TAFA1: variants seen among roughly 807,000 people sequenced by gnomAD.
The protein encoded by TAFA1 is TAFA chemokine like family member 1.
A neutral mutation model predicts 18.5 loss-of-function variants in TAFA1; 4 were observed. The ratio of observed to expected loss-of-function variants is 0.22; its 90% CI spans 0.11 to 0.49. The LOEUF is 0.49. TAFA1 is among the 20% of genes least tolerant of loss of function. TAFA1 has a pLI of 0.98. For synonymous variants in TAFA1, 56 were observed against 55.2 expected, an observed-to-expected ratio of 1.01 and a Z score of -0.06; for missense variants, 147 against 169.0, an observed-to-expected ratio of 0.87 and a Z score of 0.72.
intron 2 of TAFA1, among the ~76,000 whole-genome samples, chr3:68,142,807 C>T (rs189731137): frequency 4.6e-5 from 7 of 152,232 alleles, no homozygotes; most frequent in Admixed American, 2.0e-4. Flanking sequence ...TGGAGCAGAC[C>T]GGTGCATAAT....
chr3:68,310,041 T>A (rs1328660812), intron 2 of TAFA1, among the ~76,000 whole-genome samples: 1 of 152,192 alleles, frequency 6.6e-6, no homozygotes, highest in Non-Finnish European at 1.5e-5. Context: ...CAATAATTAT[T>A]GAAACTTATA....
intron 2 of TAFA1, among the ~76,000 whole-genome samples, chr3:68,383,721 C>T (rs1391482211): frequency 1.3e-5 from 2 of 151,874 alleles, no homozygotes; most frequent in African/African-American, 2.4e-5. Flanking sequence ...AGGAGTCCCT[C>T]TTCAATTTTT....
At chr3:68,395,039 AATAT>A (rs1296014348) in intron 2 of TAFA1, among the ~76,000 whole-genome samples, 1 of 152,196 alleles carries the variant, frequency 6.6e-6, no homozygotes. Context: ...AAATTTTTGC[AATAT>A]ATTCATCTGA....
chr3:68,471,927 A>G (rs544232789), intron 3 of TAFA1, among the ~76,000 whole-genome samples: 1 of 152,270 alleles, frequency 6.6e-6, no homozygotes, highest in South Asian at 2.1e-4. Context: ...CTTGCTTTTG[A>G]TTTTACAGCC....
chr3:68,345,655 G>A (rs540895244), intron 2 of TAFA1, among the ~76,000 whole-genome samples: 49 of 152,228 alleles, frequency 3.2e-4, no homozygotes, highest in African/African-American at 1.1e-3. Flanking sequence ...TCTCATTCAA[G>A]TCTTTGCTAT....
At chr3:68,366,204 A>G (rs2069571102) in intron 2 of TAFA1, among the ~76,000 whole-genome samples, 2 of 152,070 alleles carry the variant, frequency 1.3e-5, no homozygotes, top group South Asian at 2.1e-4. Flanking sequence ...CCCTCCCACA[A>G]CACATGGAAA....
the TAFA1 span, among the ~76,000 whole-genome samples, chr3:67,993,193 AAT>A: frequency 2.6e-5 from 4 of 152,234 alleles, no homozygotes; most frequent in Non-Finnish European, 5.9e-5. Flanking sequence ...CTTCATAGCC[AAT>A]TTCCCTGGAT....
At chr3:67,999,467 C>T (rs138221707), upstream of TAFA1, among the ~76,000 whole-genome samples, 68 of 152,246 alleles carry the variant, frequency 4.5e-4, no homozygotes, top group African/African-American at 1.6e-3. Flanking sequence ...AAGTAAGAGG[C>T]TAGACTAGGA....
intron 2 of TAFA1, among the ~76,000 whole-genome samples, chr3:68,065,303 C>A (rs760897502): frequency 6.6e-6 from 1 of 152,128 alleles, no homozygotes; most frequent in Non-Finnish European, 1.5e-5. Flanking sequence ...CCAAGGATGA[C>A]TGCAGAATAC....
intron 2 of TAFA1, among the ~76,000 whole-genome samples, chr3:68,193,239 A>T (rs2066370645): frequency 6.6e-6 from 1 of 151,784 alleles, no homozygotes; most frequent in African/African-American, 2.4e-5. Context: ...AATGGAATCT[A>T]GTAGGAGAGA....
At chr3:68,430,386 G>T (rs1339183993) in intron 3 of TAFA1, among the ~76,000 whole-genome samples, 1 of 151,964 alleles carries the variant, frequency 6.6e-6, no homozygotes, top group Admixed American at 6.6e-5. Flanking sequence ...GAGACAGAAG[G>T]CTGAAAAGTT....
chr3:68,519,906 A>G (rs1301090930), intron 3 of TAFA1, among the ~76,000 whole-genome samples: 4 of 152,232 alleles, frequency 2.6e-5, no homozygotes, highest in Non-Finnish European at 4.4e-5. Context: ...AGTTCATAAC[A>G]TGAGCTTACA....
At chr3:68,434,577 G>A (rs965291713) in intron 3 of TAFA1, among the ~76,000 whole-genome samples, 1 of 151,944 alleles carries the variant, frequency 6.6e-6, no homozygotes, top group African/African-American at 2.4e-5. Flanking sequence ...GCAGAAATTT[G>A]TTCTATCTAT....
At chr3:68,220,346 A>G (rs2066714239) in intron 2 of TAFA1, among the ~76,000 whole-genome samples, 1 of 152,172 alleles carries the variant, frequency 6.6e-6, no homozygotes, top group Non-Finnish European at 1.5e-5. Flanking sequence ...ATTCAAGCTG[A>G]ATAAAATCTC....
intron 2 of TAFA1, among the ~76,000 whole-genome samples, chr3:68,089,081 G>C (rs1408452627): frequency 6.6e-6 from 1 of 152,058 alleles, no homozygotes; most frequent in African/African-American, 2.4e-5. Context: ...CAATATTTTG[G>C]TTTTGCACGT....
At chr3:68,344,198 CAAAT>C (rs1048592604) in intron 2 of TAFA1, among the ~76,000 whole-genome samples, 3 of 152,090 alleles carry the variant, frequency 2.0e-5, no homozygotes, top group Non-Finnish European at 4.4e-5. Flanking sequence ...TAATATCTCT[CAAAT>C]AATGTATATT....
chr3:68,144,475 ACT>A (rs1430543088), intron 2 of TAFA1, among the ~76,000 whole-genome samples: 2 of 152,074 alleles, frequency 1.3e-5, no homozygotes, highest in African/African-American at 4.8e-5. Context: ...GGATGGTAAA[ACT>A]CTCCACTGAA....
At chr3:68,345,514 G>C (rs2069151027) in intron 2 of TAFA1, among the ~76,000 whole-genome samples, 1 of 152,142 alleles carries the variant, frequency 6.6e-6, no homozygotes, top group South Asian at 2.1e-4. Context: ...ACAGCACTCA[G>C]GGTGTAAGAA....
chr3:68,046,667 T>C (rs547459479), intron 2 of TAFA1, among the ~76,000 whole-genome samples: 3 of 152,290 alleles, frequency 2.0e-5, no homozygotes, highest in South Asian at 4.1e-4. Context: ...CTCATTTAAT[T>C]CACATAACAC....
Sources: gnomAD v4.1 joint callset for allele counts (sites outside exome capture counted in the v4.1 genomes callset) on GRCh38, gnomAD v4.1.1 for gene constraint, MANE v1.5 for transcripts, NCBI Gene and HGNC (gene_info 2026-07-23, HGNC 2026-07-21) for gene names.